Variants in ADCY7 observed in about 807,000 individuals in gnomAD.
ADCY7 encodes the protein adenylate cyclase 7, also known as adenylate cyclase type 7.
A neutral mutation model predicts 120.6 loss-of-function variants in ADCY7; 72 were observed. The observed-to-expected ratio is 0.60, with a 90% CI of 0.49 to 0.73. The LOEUF is 0.73. Ranked by LOEUF, ADCY7 falls within the 30% of genes least tolerant of loss-of-function variation. The pLI, the probability that ADCY7 is intolerant of heterozygous loss-of-function variation, is 0.00. For synonymous variants in ADCY7, 661 were observed against 628.0 expected, an observed-to-expected ratio of 1.05 and a Z score of -0.78; for missense variants, 1,227 against 1,486.0, an observed-to-expected ratio of 0.83 and a Z score of 2.87.
chr16:50,313,364 C>G (rs1172732383), intron 22 of ADCY7: 1 of 284,370 alleles, frequency 3.5e-6, no homozygotes. Flanking sequence ...TTGCAGTGAG[C>G]TGGGATCACG....
intron 24 of ADCY7, 198 bp from the exon 25 acceptor site, chr16:50,314,814 GAA>G: frequency 1.6e-6 from 1 of 621,734 alleles, no homozygotes; most frequent in East Asian, 2.7e-5. Flanking sequence ...TTCTGAGTCT[GAA>G]AAAGAGCTGG....
chr16:50,285,597 C>A (rs1010877923), intron 1 of ADCY7, among the ~76,000 whole-genome samples: 1 of 152,192 alleles, frequency 6.6e-6, no homozygotes, highest in African/African-American at 2.4e-5. Flanking sequence ...CCTGTGACTG[C>A]TCTGAGCTGT....
chr16:50,316,422 T>C lies in ADCY7; in HGVS notation c.*917T>C, dbSNP rs1386824621. On this transcript the variant is annotated 3_prime_UTR_variant, in exon 26 of 26. Transcript: ENST00000673801. ...CTTGATTACTCACACATCTTTGCGTTCTCCCCTGCCGTCCTTCAACTGTAT... is the reference window on the plus strand; with the variant it reads ...CTTGATTACTCACACATCTTTGCGTCCTCCCCTGCCGTCCTTCAACTGTAT... 3 of 152,378 alleles carry C rather than the reference T, an allele frequency of 2.0e-5. No individual in the cohort carries two copies. Among genetic ancestry groups the C allele is most frequent in the Admixed American group, 1.3e-4 (2 of 15,280 alleles). 9.4% of individuals were successfully genotyped at this position (152,378 alleles called of 1,614,324 possible).
At chr16:50,267,413 A>C (rs377015182) in intron 1 of ADCY7, among the ~76,000 whole-genome samples, 13 of 151,144 alleles carry the variant, frequency 8.6e-5, no homozygotes, top group African/African-American at 2.9e-4. Flanking sequence ...CCATTGCTGG[A>C]GAGGAGAAGG....
At position 50,298,907 on chromosome 16, in the gene ADCY7, A is replaced by G. The variant is rs1341199829; in HGVS notation, c.952A>G (p.Asn318Asp). 1.9e-6 allele frequency: 3 copies of G among 1,613,348 alleles called. No individual in the cohort carries two copies. Among genetic ancestry groups the G allele is most frequent in the East Asian group, 2.2e-5 (1 of 44,864 alleles). ...FGKFDQIAKA[N>D]ECMRIKILGD... is the part of the protein sequence containing the mutation. Reference sequence around the variant, plus strand: ...AGGCCCTTCCCTCACCCTGCAGGCCAACGAGTGCATGCGAATCAAGATCCT... The same window carrying G: ...AGGCCCTTCCCTCACCCTGCAGGCCGACGAGTGCATGCGAATCAAGATCCT... Residue 318 changes from asparagine (N) to aspartate (D), a missense_variant, in exon 8 of 26, where the codon AAC becomes GAC. Transcript: ENST00000673801.
At position 50,313,455 on chromosome 16, in the gene ADCY7, C is replaced by A. The variant is rs112968746; in HGVS notation, c.2751+419C>A. On this transcript the variant is annotated intron_variant, in intron 22 of 25. Transcript: ENST00000673801. ...AACAACAAAAAAAAAACGACGTGGC[C>A]CGCCTGGGGGGAACATACATTACAC... 1,578 of 185,020 alleles carry A rather than the reference C, an allele frequency of 8.5e-3. 26 individuals carry two copies. The highest frequency in any genetic ancestry group is 0.035 in the African/African-American group (1,492 of 42,226). 11.5% of individuals were successfully genotyped at this position (185,020 alleles called of 1,614,324 possible). A position where few individuals can be genotyped will look rare whatever the true frequency, so the allele number is the denominator to read the frequency against.
At chr16:50,257,509 A>C (rs2032948821) in intron 1 of ADCY7, among the ~76,000 whole-genome samples, 1 of 152,174 alleles carries the variant, frequency 6.6e-6, no homozygotes, top group South Asian at 2.1e-4. Context: ...TATGTTAATT[A>C]GCTTCATTTC....
chr16:50,313,918 T>C (rs551629930), intron 22 of ADCY7, 40 bp from the exon 23 acceptor site: 1 of 1,563,928 alleles, frequency 6.4e-7, no homozygotes, highest in Non-Finnish European at 8.8e-7. Flanking sequence ...GCTGCGGCTA[T>C]GGAGTGGCGG....
rs370283411 is a variant in ADCY7 at position 50,293,341 on chromosome 16, C to T, written c.688-13C>T. ...TTGCTGGTCCCTCTGCTGGTCTGCC[C>T]ACCCACACCCAGGAGAACCTGCTGC... On this transcript the variant is annotated splice_polypyrimidine_tract_variant and intron_variant, in intron 5 of 25. Transcript: ENST00000673801. 47 of 1,611,194 alleles carry T rather than the reference C, an allele frequency of 2.9e-5. No individual in the cohort carries two copies. The highest frequency in any genetic ancestry group is 4.0e-5 in the Non-Finnish European group (47 of 1,178,240).
At chr16:50,289,199 T>C (rs9927261) in intron 2 of ADCY7, 2 of 313,036 alleles carry the variant, frequency 6.4e-6, no homozygotes, top group Admixed American at 4.6e-5. Flanking sequence ...TTTGTTTTTT[T>C]TTTGTTTGTT....
At chr16:50,271,750 C>T (rs1324994082) in intron 1 of ADCY7, among the ~76,000 whole-genome samples, 2 of 152,190 alleles carry the variant, frequency 1.3e-5, no homozygotes, top group Non-Finnish European at 2.9e-5. Context: ...GTGTTCTCCC[C>T]AACTGCTGCT....
intron 1 of ADCY7, among the ~76,000 whole-genome samples, 179 bp downstream of exon 1, chr16:50,266,859 G>A (rs749587021): frequency 3.3e-5 from 5 of 152,178 alleles, no homozygotes; most frequent in Non-Finnish European, 5.9e-5. Context: ...ATGGCTGGGA[G>A]AGGCGGCCCT....
chr16:50,314,387 C>T lies in ADCY7; in HGVS notation c.2952C>T (p.Asn984=). The T allele has an allele frequency of 6.2e-7, 1 of 1,613,942 alleles. No individual in the cohort carries two copies. ...KLDGINRHSF[N]SFRLRVGINH... is the part of the protein sequence containing the mutation. ...ACGGCATCAACAGGCACTCCTTCAACTCCTTCCGCCTCCGCGTCGGTGAGC... is the reference window on the plus strand; with the variant it reads ...ACGGCATCAACAGGCACTCCTTCAATTCCTTCCGCCTCCGCGTCGGTGAGC... The change falls in exon 24 of 26, where the codon AAC becomes AAT. Residue 984 remains asparagine, a synonymous_variant. Transcript: ENST00000673801.
chr16:50,317,906 A>C lies in ADCY7; in HGVS notation c.*2401A>C, dbSNP rs1294040847. ...TGAGGAAATTTCCTAACAAACAAAC[A>C]AACAAACAAACAGAAGAGAAGATCA... On this transcript the variant is annotated 3_prime_UTR_variant, in exon 26 of 26. Transcript: ENST00000673801. The C allele has an allele frequency of 6.6e-6, 1 of 152,084 alleles. No individual in the cohort carries two copies. The highest frequency in any genetic ancestry group is 1.9e-4 in the East Asian group (1 of 5,332). The allele number at this position is 152,084 out of a possible 1,614,324, so 9.4% of individuals were successfully genotyped here. A position where few individuals can be genotyped will look rare whatever the true frequency, so the allele number is the denominator to read the frequency against.
intron 9 of ADCY7, 41 bp from the exon 10 acceptor site, chr16:50,301,041 C>T: frequency 6.2e-7 from 1 of 1,604,664 alleles, no homozygotes; most frequent in Non-Finnish European, 8.5e-7. Flanking sequence ...TGCCAGCCCT[C>T]TCTGGGCCCC....
chr16:50,308,123 G>A (rs986912412), intron 15 of ADCY7, among the ~76,000 whole-genome samples: 6 of 152,298 alleles, frequency 3.9e-5, no homozygotes, highest in East Asian at 1.9e-4. Context: ...GAGTGATATG[G>A]TCTTGACCTC....
chr16:50,245,792 A>G (rs909893665), upstream of ADCY7, among the ~76,000 whole-genome samples: 13 of 152,042 alleles, frequency 8.6e-5, no homozygotes, highest in Admixed American at 1.3e-4. Flanking sequence ...AGTTTGCTAG[A>G]AAGTGTTTCC....
At chr16:50,274,363 G>A (rs892518184) in intron 1 of ADCY7, among the ~76,000 whole-genome samples, 1 of 151,722 alleles carries the variant, frequency 6.6e-6, no homozygotes, top group African/African-American at 2.4e-5. Flanking sequence ...GTGAGTGACC[G>A]GGAATGGGGT....
upstream of ADCY7, among the ~76,000 whole-genome samples, chr16:50,263,435 C>T (rs1036057697): frequency 6.6e-6 from 1 of 152,058 alleles, no homozygotes; most frequent in Admixed American, 6.5e-5. Flanking sequence ...GGGCGGGCAG[C>T]CTGGGAGGGC....
Sources: gnomAD v4.1 joint callset for allele counts (sites outside exome capture counted in the v4.1 genomes callset) on GRCh38, gnomAD v4.1.1 for gene constraint, MANE v1.5 for transcripts, NCBI Gene and HGNC (gene_info 2026-07-23, HGNC 2026-07-21) for gene names.